SUMF1: variants seen among roughly 807,000 people sequenced by gnomAD.
SUMF1 encodes sulfatase modifying factor 1, also known as formylglycine-generating enzyme.
Under a neutral mutation model 47.6 loss-of-function variants are expected in SUMF1, and 48 were observed. That is an observed-to-expected ratio of 1.01 (90% CI 0.80 to 1.28). The LOEUF (loss-of-function observed/expected upper bound fraction) is 1.28. Among genes scored for constraint, SUMF1 ranks in the 50% most tolerant of loss-of-function variants. The pLI, the probability that SUMF1 is intolerant of heterozygous loss-of-function variation, is 0.00. For missense variants in SUMF1, 571 were observed against 485.4 expected (o/e 1.18, Z -1.66); for synonymous variants, 230 against 192.1 (o/e 1.20, Z -1.63).
chr3:4,096,559 C>T lies in SUMF1; in HGVS notation c.1015-27814G>A, dbSNP rs528063144. 3.3e-5 allele frequency among the ~76,000 whole-genome samples: 5 copies of T among 152,198 alleles called. 1 individual carries two copies. In the South Asian group the frequency reaches 1.0e-3, roughly 32 times the overall value. On this transcript the variant is annotated intron_variant and NMD_transcript_variant, in intron 8 of 12. Transcript: ENST00000448413. Reference sequence around the variant, plus strand: ...ACAGCCATTGTGCACAGCAGCTTCTCTGTATACAGGTGAAATCAATACTTA... The same window carrying T: ...ACAGCCATTGTGCACAGCAGCTTCTTTGTATACAGGTGAAATCAATACTTA...
At chr3:4,055,438 A>T (rs1469330343) in intron 9 of SUMF1, among the ~76,000 whole-genome samples, 1 of 152,126 alleles carries the variant, frequency 6.6e-6, no homozygotes, top group Non-Finnish European at 1.5e-5. Flanking sequence ...CAACCTTAGC[A>T]GCTTAAACCA....
At chr3:4,327,030 T>C (rs1372919141) in intron 8 of SUMF1, among the ~76,000 whole-genome samples, 1 of 152,176 alleles carries the variant, frequency 6.6e-6, no homozygotes, top group East Asian at 1.9e-4. Flanking sequence ...AGTTTCTAAA[T>C]TCTGGAGAAA....
chr3:4,342,402 A>C (rs1280062085), intron 8 of SUMF1, among the ~76,000 whole-genome samples: 1 of 152,180 alleles, frequency 6.6e-6, no homozygotes, highest in Non-Finnish European at 1.5e-5. Context: ...ATGTGATGGC[A>C]CATGCCTGTA....
chr3:4,155,717 A>C (rs767049258), intron 8 of SUMF1, among the ~76,000 whole-genome samples: 1 of 151,492 alleles, frequency 6.6e-6, no homozygotes, highest in Admixed American at 6.6e-5. Context: ...AAGCAGCCAG[A>C]ATCAGCCTCT....
chr3:4,214,939 T>A (rs1207444320), intron 8 of SUMF1, among the ~76,000 whole-genome samples: 2 of 152,132 alleles, frequency 1.3e-5, no homozygotes, highest in African/African-American at 4.8e-5. Flanking sequence ...CGGGACCATA[T>A]GGATTCACAG....
chr3:4,280,697 C>G (rs1339852581), intron 8 of SUMF1, among the ~76,000 whole-genome samples: 1 of 152,158 alleles, frequency 6.6e-6, no homozygotes, highest in African/African-American at 2.4e-5. Flanking sequence ...AAGGTGCGTG[C>G]TGGGCTCTGT....
At chr3:4,451,866 G>A (rs1702981833) in intron 2 of SUMF1, among the ~76,000 whole-genome samples, 1 of 152,058 alleles carries the variant, frequency 6.6e-6, no homozygotes, top group South Asian at 2.1e-4. Flanking sequence ...TGTACTTTTA[G>A]TAGAGACGGG....
At chr3:4,073,513 A>G (rs533468755) in intron 8 of SUMF1, among the ~76,000 whole-genome samples, 3 of 152,324 alleles carry the variant, frequency 2.0e-5, no homozygotes, top group Non-Finnish European at 4.4e-5. Context: ...AATGGGCTAA[A>G]TGCTGCAATT....
chr3:4,113,439 G>A (rs578030129), intron 8 of SUMF1, among the ~76,000 whole-genome samples: 114 of 152,102 alleles, frequency 7.5e-4, no homozygotes, highest in African/African-American at 2.6e-3. Context: ...TGAGGCAGGA[G>A]GATTCCCTGA....
At chr3:4,183,281 G>T (rs1191876142) in intron 8 of SUMF1, among the ~76,000 whole-genome samples, 2 of 152,144 alleles carry the variant, frequency 1.3e-5, no homozygotes, top group Non-Finnish European at 2.9e-5. Flanking sequence ...ACAAAAAATA[G>T]TTAAAACAAA....
chr3:4,097,479 G>T (rs1387708539), intron 8 of SUMF1, among the ~76,000 whole-genome samples: 1 of 152,032 alleles, frequency 6.6e-6, no homozygotes, highest in Non-Finnish European at 1.5e-5. Flanking sequence ...CTTGAACCTG[G>T]GAGGCGGAGG....
intron 7 of SUMF1, among the ~76,000 whole-genome samples, chr3:4,390,532 T>C (rs1332820654): frequency 6.6e-6 from 1 of 152,184 alleles, no homozygotes; most frequent in Non-Finnish European, 1.5e-5. Context: ...TCTACACCTG[T>C]TAGCATTTCT....
At position 4,225,749 on chromosome 3, in the gene SUMF1, C is replaced by T. The variant is rs142416188; in HGVS notation, c.1014+150581G>A. On this transcript the variant is annotated intron_variant and NMD_transcript_variant, in intron 8 of 12. Transcript: ENST00000448413. Reference sequence around the variant, plus strand: ...TAGGTTCTTTACAATTAAGAAAAATCCCTGAAGTGCAAATACTCAAAAATG... The same window carrying T: ...TAGGTTCTTTACAATTAAGAAAAATTCCTGAAGTGCAAATACTCAAAAATG... Among the ~76,000 whole-genome samples the T allele has an allele frequency of 4.6e-5, 7 of 152,228 alleles. No individual in the cohort carries two copies. In the East Asian group the frequency reaches 1.4e-3, roughly 29 times the overall value.
intron 8 of SUMF1, among the ~76,000 whole-genome samples, chr3:4,172,647 T>C (rs7623851): frequency 0.045 from 6,807 of 152,280 alleles, 433 homozygotes; most frequent in East Asian, 0.18. Context: ...ATGTCTTCTT[T>C]TGAGAAGGGT....
chr3:4,189,881 C>T (rs1426344744), intron 8 of SUMF1, among the ~76,000 whole-genome samples: 1 of 152,168 alleles, frequency 6.6e-6, no homozygotes, highest in Non-Finnish European at 1.5e-5. Flanking sequence ...AACAGATTAG[C>T]TCAAACTGCC....
intron 2 of SUMF1, among the ~76,000 whole-genome samples, chr3:4,449,606 T>C (rs1193400182): frequency 6.6e-6 from 1 of 152,250 alleles, no homozygotes; most frequent in East Asian, 1.9e-4. Context: ...AGAACGTGAC[T>C]GTTCTTGAAG....
intron 8 of SUMF1, among the ~76,000 whole-genome samples, chr3:4,268,087 G>A (rs1697232616): frequency 1.3e-5 from 2 of 152,120 alleles, no homozygotes; most frequent in South Asian, 4.1e-4. Flanking sequence ...TTCTTTGTAG[G>A]GACATGGATG....
At chr3:4,279,300 A>G (rs1238025116) in intron 8 of SUMF1, among the ~76,000 whole-genome samples, 1 of 152,160 alleles carries the variant, frequency 6.6e-6, no homozygotes, top group East Asian at 1.9e-4. Flanking sequence ...TTTTATTGTC[A>G]ATTTATAATC....
At chr3:4,038,512 A>C (rs1026932941) in intron 9 of SUMF1, among the ~76,000 whole-genome samples, 5 of 152,110 alleles carry the variant, frequency 3.3e-5, no homozygotes, top group Non-Finnish European at 7.4e-5. Context: ...GCCTCTGATA[A>C]ATGTGGACTC....
Sources: gnomAD v4.1 joint callset for allele counts (sites outside exome capture counted in the v4.1 genomes callset) on GRCh38, gnomAD v4.1.1 for gene constraint, MANE v1.5 for transcripts, NCBI Gene and HGNC (gene_info 2026-07-23, HGNC 2026-07-21) for gene names.